Variants in HIVEP3 observed in about 807,000 individuals in gnomAD.
HIVEP3 encodes the protein HIVEP zinc finger 3, also known as transcription factor HIVEP3.
HIVEP3 carries 49 observed loss-of-function variants against 152.8 expected under a neutral mutation model. The observed-to-expected ratio is 0.32, with a 90% CI of 0.26 to 0.41. The LOEUF is 0.41. Ranked by LOEUF, HIVEP3 falls within the 10% of genes least tolerant of loss-of-function variation. The probability of loss-of-function intolerance (pLI) is 1.00; values close to 1 mark genes in which losing one functional copy is unlikely to be tolerated. For missense variants in HIVEP3, 2,790 were observed against 3,103.3 expected, an observed-to-expected ratio of 0.90 and a Z score of 2.40; for synonymous variants, 1,269 against 1,289.0, an observed-to-expected ratio of 0.98 and a Z score of 0.33.
At chr1:41,648,174 C>A (rs1327537802) in intron 2 of HIVEP3, among the ~76,000 whole-genome samples, 1 of 152,218 alleles carries the variant, frequency 6.6e-6, no homozygotes, top group East Asian at 1.9e-4. Context: ...ATCCATACCA[C>A]TCCCTCATAT....
intron 1 of HIVEP3, among the ~76,000 whole-genome samples, chr1:42,011,256 C>T (rs1031744695): frequency 6.6e-6 from 1 of 152,100 alleles, no homozygotes; most frequent in African/African-American, 2.4e-5. Flanking sequence ...ATTCTTTTGA[C>T]AATGTAGAGT....
chr1:42,016,722 T>C (rs944567769), intron 1 of HIVEP3, among the ~76,000 whole-genome samples: 12 of 152,338 alleles, frequency 7.9e-5, no homozygotes, highest in African/African-American at 2.9e-4. Flanking sequence ...CCTGGCCATA[T>C]GACTTCATCC....
chr1:41,608,050 G>A (rs1422538886), intron 3 of HIVEP3, among the ~76,000 whole-genome samples: 2 of 152,212 alleles, frequency 1.3e-5, no homozygotes, highest in Admixed American at 6.5e-5. Flanking sequence ...CTGAGTGGCT[G>A]TGTGCCCTGC....
intron 5 of HIVEP3, among the ~76,000 whole-genome samples, chr1:41,527,216 TCACA>T (rs140080772): frequency 1.3e-5 from 1 of 75,286 alleles, no homozygotes; most frequent in African/African-American, 6.4e-5. Flanking sequence ...ATGCTCACCC[TCACA>T]CACTCACCCT....
intron 2 of HIVEP3, among the ~76,000 whole-genome samples, chr1:41,690,793 C>G (rs1300520110): frequency 2.0e-5 from 3 of 152,204 alleles, no homozygotes; most frequent in African/African-American, 7.2e-5. Context: ...TGGTGGGCAC[C>G]TGTAATCCCA....
At chr1:41,585,477 T>C (rs1175218805) in intron 3 of HIVEP3, among the ~76,000 whole-genome samples, 159 bp from the exon 4 acceptor site, 3 of 152,020 alleles carry the variant, frequency 2.0e-5, no homozygotes, top group Non-Finnish European at 4.4e-5. Context: ...AACCACAGGC[T>C]CCGGCTCCAC....
intron 5 of HIVEP3, among the ~76,000 whole-genome samples, chr1:41,574,305 C>T (rs1446232547): frequency 2.0e-5 from 3 of 152,272 alleles, no homozygotes; most frequent in African/African-American, 2.4e-5. Context: ...CAGGAGGACC[C>T]GCGTCCCTCC....
At chr1:41,838,518 C>T (rs1274091368) in intron 1 of HIVEP3, among the ~76,000 whole-genome samples, 1 of 152,164 alleles carries the variant, frequency 6.6e-6, no homozygotes. Context: ...CTCCCCTTCC[C>T]TCCTGAGCCA....
At chr1:41,857,057 T>C (rs543659874) in intron 1 of HIVEP3, among the ~76,000 whole-genome samples, 2 of 152,268 alleles carry the variant, frequency 1.3e-5, no homozygotes, top group East Asian at 1.9e-4. Context: ...GCACATTTCT[T>C]TTCTGTGCAG....
At chr1:41,637,311 T>C (rs762933378) in intron 2 of HIVEP3, among the ~76,000 whole-genome samples, 1 of 152,240 alleles carries the variant, frequency 6.6e-6, no homozygotes, top group Non-Finnish European at 1.5e-5. Context: ...AATGGAATAG[T>C]CATGGGAACA....
chr1:41,791,543 A>G (rs1198877322), intron 1 of HIVEP3, among the ~76,000 whole-genome samples: 1 of 152,166 alleles, frequency 6.6e-6, no homozygotes, highest in Non-Finnish European at 1.5e-5. Context: ...CATCTTAGAC[A>G]CAAGGTCACC....
intron 1 of HIVEP3, among the ~76,000 whole-genome samples, chr1:41,842,203 CA>C (rs1456743907): frequency 1.1e-4 from 17 of 152,030 alleles, no homozygotes; most frequent in African/African-American, 3.9e-4. Flanking sequence ...TAACATCTAA[CA>C]AAACCAGGCT....
intron 1 of HIVEP3, among the ~76,000 whole-genome samples, chr1:41,869,836 AAAAT>A (rs1401382260): frequency 6.6e-6 from 1 of 152,180 alleles, no homozygotes; most frequent in Admixed American, 6.5e-5. Flanking sequence ...AAAAATAAAG[AAAAT>A]TTTTGTAGAA....
intron 1 of HIVEP3, among the ~76,000 whole-genome samples, chr1:41,952,758 A>G (rs1645115297): frequency 6.6e-6 from 1 of 152,244 alleles, no homozygotes; most frequent in African/African-American, 2.4e-5. Context: ...TGGAAAATAT[A>G]TAAAGTAACA....
intron 1 of HIVEP3, among the ~76,000 whole-genome samples, chr1:41,888,037 CTT>C (rs759423194): frequency 6.6e-5 from 8 of 121,292 alleles, no homozygotes; most frequent in Admixed American, 8.4e-5. Flanking sequence ...CCCAGCTGAA[CTT>C]TTTTTTTTTT....
intron 3 of HIVEP3, among the ~76,000 whole-genome samples, chr1:41,618,209 C>G (rs1303062512): frequency 1.3e-5 from 2 of 152,204 alleles, no homozygotes; most frequent in East Asian, 3.8e-4. Context: ...GTGCCAGAGC[C>G]CGGAGCCACC....
chr1:41,629,237 T>C (rs942975533), intron 2 of HIVEP3, among the ~76,000 whole-genome samples: 1 of 152,180 alleles, frequency 6.6e-6, no homozygotes, highest in Non-Finnish European at 1.5e-5. Context: ...GTGAATAGGA[T>C]GGATGGTTGG....
chr1:41,631,107 C>T (rs555168533), intron 2 of HIVEP3, among the ~76,000 whole-genome samples: 4 of 152,214 alleles, frequency 2.6e-5, no homozygotes, highest in South Asian at 2.1e-4. Context: ...ACTAGAAAGC[C>T]GAAGTTGTTT....
At chr1:41,999,737 G>T (rs1034703043) in intron 1 of HIVEP3, among the ~76,000 whole-genome samples, 9 of 152,168 alleles carry the variant, frequency 5.9e-5, no homozygotes, top group Admixed American at 5.2e-4. Context: ...AAGTCAAAGG[G>T]AACAGCATTT....
Sources: allele counts gnomAD v4.1 joint callset (sites outside exome capture counted in the v4.1 genomes callset), GRCh38; gene constraint gnomAD v4.1.1; transcripts MANE v1.5; gene names NCBI Gene and HGNC (gene_info 2026-07-23, HGNC 2026-07-21).